The following RFTN1 variants were observed in gnomAD, a reference collection of about 807,000 sequenced individuals.
RFTN1 encodes raftlin, lipid raft linker 1.
Under a neutral mutation model 46.5 loss-of-function variants are expected in RFTN1, and 26 were observed. The ratio of observed to expected loss-of-function variants is 0.56; its 90% confidence interval spans 0.41 to 0.78. The LOEUF (loss-of-function observed/expected upper bound fraction) is 0.78. Ranked by LOEUF, RFTN1 falls within the 30% of genes least tolerant of loss-of-function variation. RFTN1 has a pLI of 0.00. For missense variants in RFTN1, 693 were observed against 718.7 expected, an observed-to-expected ratio of 0.96 and a Z score of 0.41; for synonymous variants, 261 against 284.2, an observed-to-expected ratio of 0.92 and a Z score of 0.82.
rs534401512 is a variant in RFTN1, at chr3:16,443,442, T to C, written c.146-9405A>G. On this transcript the variant is annotated intron_variant, in intron 2 of 9. Coordinates refer to ENST00000334133, the MANE Select transcript of RFTN1 (RefSeq NM_015150.2). This position sits in a 1 kb window ranked among gnomAD's most constrained non-coding sequence, Gnocchi z 5.5. ...GTTGGGTTATTTGTATTTTTGCTAT[T>C]GAGCTGAATGAGTTCTGAAATACTA... Among the ~76,000 whole-genome samples the C allele has an allele frequency of 2.5e-4, 38 of 152,324 alleles. No individual in the cohort carries two copies. The highest frequency in any genetic ancestry group is 9.1e-4 in the African/African-American group (38 of 41,582).
Position 16,351,123 on chromosome 3 carries a change from A to G in RFTN1, c.1146+6809T>C, listed in dbSNP as rs1356720804. Reference sequence around the variant, plus strand: ...GGCCAGAGTAGGTTTCAGTTACAGAAAAGTGTGTCATCGAGCCTTTCATGT... The same window carrying G: ...GGCCAGAGTAGGTTTCAGTTACAGAGAAGTGTGTCATCGAGCCTTTCATGT... On this transcript the variant is annotated intron_variant, in intron 7 of 9. Transcript: ENST00000334133. This position sits in a 1 kb window ranked among gnomAD's most constrained non-coding sequence, Gnocchi z 5.4. 1.3e-5 allele frequency among the ~76,000 whole-genome samples: 2 copies of G among 152,238 alleles called. No homozygotes were observed. The highest frequency in any genetic ancestry group is 2.4e-5 in the African/African-American group (1 of 41,466).
chr3:16,316,775 A>G lies in RFTN1; in HGVS notation c.*53T>C. 1 of 1,604,798 alleles carries G rather than the reference A, an allele frequency of 6.2e-7. No individual in the cohort carries two copies. On this transcript the variant is annotated 3_prime_UTR_variant, in exon 10 of 10. Transcript: ENST00000334133. The surrounding 1 kb of genome is among the most constrained non-coding windows in gnomAD (Gnocchi z 4.5). ...ACCAGCCCCCAAACCAGCTGTTGGT[A>G]AGATGCCTTGGGTTTGGCAACTCAC...
chr3:16,360,174 C>T (rs943493949), intron 6 of RFTN1, among the ~76,000 whole-genome samples: 1 of 146,088 alleles, frequency 6.8e-6, no homozygotes, highest in Non-Finnish European at 1.5e-5. Flanking sequence ...ATTGCAGTTT[C>T]TTTTTTTTTT....
At chr3:16,491,773 A>G (rs1032251867) in intron 2 of RFTN1, among the ~76,000 whole-genome samples, 3 of 150,064 alleles carry the variant, frequency 2.0e-5, no homozygotes, top group Non-Finnish European at 4.5e-5. Flanking sequence ...AACAAACAAA[A>G]CAAACAAAAA....
At chr3:16,324,300 G>A (rs183520157) in intron 8 of RFTN1, among the ~76,000 whole-genome samples, 2 of 152,224 alleles carry the variant, frequency 1.3e-5, no homozygotes, top group Non-Finnish European at 2.9e-5. Context: ...ACATTTAAAA[G>A]CTACTCTTTT....
At chr3:16,476,177 C>T (rs1342071448) in intron 2 of RFTN1, among the ~76,000 whole-genome samples, 1 of 152,238 alleles carries the variant, frequency 6.6e-6, no homozygotes, top group Non-Finnish European at 1.5e-5. Flanking sequence ...CTATTGGGTT[C>T]TGCCAGTAGG....
intron 7 of RFTN1, chr3:16,347,592 T>C (rs1297945493): frequency 6.6e-6 from 1 of 152,252 alleles, no homozygotes; most frequent in African/African-American, 2.4e-5. Context: ...TCTGCCTCTC[T>C]GTTACACAGA....
intron 4 of RFTN1, among the ~76,000 whole-genome samples, chr3:16,401,966 G>A (rs564422034): frequency 6.6e-6 from 1 of 152,304 alleles, no homozygotes; most frequent in South Asian, 2.1e-4. Flanking sequence ...TGCTCTCAGG[G>A]TTGACACCTC....
chr3:16,399,664 T>C (rs531492957), intron 4 of RFTN1, among the ~76,000 whole-genome samples: 18 of 152,208 alleles, frequency 1.2e-4, no homozygotes, highest in Non-Finnish European at 2.6e-4. Flanking sequence ...CTGGGCGATT[T>C]CATCCATGAC....
rs957330710 is a variant in RFTN1, at chr3:16,440,614, G to A, written c.146-6577C>T. 6.6e-6 allele frequency among the ~76,000 whole-genome samples: 1 copy of A among 151,692 alleles called. No homozygotes were observed. Among genetic ancestry groups the A allele is most frequent in the Non-Finnish European group, 1.5e-5 (1 of 67,986 alleles). On this transcript the variant is annotated intron_variant, in intron 2 of 9. Coordinates refer to ENST00000334133, the MANE Select transcript of RFTN1 (RefSeq NM_015150.2). The surrounding 1 kb of genome is among the most constrained non-coding windows in gnomAD (Gnocchi z 4.6). ...GGCCAGGAAAATAAAGTAAACAAGA[G>A]ACATGAGCCAGGGGGACAGCAATGA... is the stretch of plus-strand genomic sequence containing the variant.
rs1420415678 is a variant in RFTN1, at chr3:16,338,696, A to G, written c.1147-11820T>C. On this transcript the variant is annotated intron_variant, in intron 7 of 9. Transcript: ENST00000334133. The surrounding 1 kb of genome is among the most constrained non-coding windows in gnomAD (Gnocchi z 5.3). ...CTTGCTACTTTATTACTCTCTTTAG[A>G]CTATCAGAGATGAATGAGGGATCCT... Among the ~76,000 whole-genome samples, 1 of 152,228 alleles carries G rather than the reference A, an allele frequency of 6.6e-6. No homozygotes were observed. The highest frequency in any genetic ancestry group is 1.5e-5 in the Non-Finnish European group (1 of 68,044).
intron 1 of RFTN1, among the ~76,000 whole-genome samples, chr3:16,508,786 T>C (rs1376308520): frequency 6.6e-6 from 1 of 150,680 alleles, no homozygotes; most frequent in Non-Finnish European, 1.5e-5. Flanking sequence ...CAGTGAAAAA[T>C]AGCAGAAGCC....
intron 6 of RFTN1, among the ~76,000 whole-genome samples, chr3:16,359,934 G>A (rs1052245392): frequency 2.6e-5 from 4 of 151,784 alleles, no homozygotes; most frequent in African/African-American, 9.7e-5. Context: ...TGACAAATGT[G>A]AATATATAAC....
At chr3:16,330,592 C>G (rs933811923) in intron 7 of RFTN1, among the ~76,000 whole-genome samples, 2 of 152,216 alleles carry the variant, frequency 1.3e-5, no homozygotes, top group African/African-American at 4.8e-5. Context: ...TTTTAATTAA[C>G]TCTCCACTCT....
intron 2 of RFTN1, among the ~76,000 whole-genome samples, chr3:16,491,123 T>C (rs890807664): frequency 6.6e-6 from 1 of 151,078 alleles, no homozygotes; most frequent in African/African-American, 2.4e-5. Flanking sequence ...ATGGAGAAAA[T>C]CAAGAGGGGA....
At chr3:16,472,793 G>A (rs1382696335) in intron 2 of RFTN1, among the ~76,000 whole-genome samples, 1 of 152,218 alleles carries the variant, frequency 6.6e-6, no homozygotes, top group Non-Finnish European at 1.5e-5. Context: ...TTACACAGGA[G>A]TGACGCCTGA....
intron 7 of RFTN1, among the ~76,000 whole-genome samples, chr3:16,340,269 C>G (rs760776602): frequency 1.6e-4 from 25 of 152,238 alleles, no homozygotes; most frequent in Non-Finnish European, 3.2e-4. Flanking sequence ...CAAACCGCAG[C>G]ATGAAATAAG....
Position 16,459,614 on chromosome 3 carries a change from GTAAA to G in RFTN1, c.146-25581_146-25578del, listed in dbSNP as rs1346422735. On this transcript the variant is annotated intron_variant, in intron 2 of 9. Coordinates refer to ENST00000334133, the MANE Select transcript of RFTN1 (RefSeq NM_015150.2). This position sits in a 1 kb window ranked among gnomAD's most constrained non-coding sequence, Gnocchi z 4.2. ...GTTTCTAAAATAATAATAATAATAA[GTAAA>G]TAAATGAAAATTACAAATAAAACTC... Among the ~76,000 whole-genome samples the G allele has an allele frequency of 6.6e-6, 1 of 151,872 alleles. No individual in the cohort carries two copies. The highest frequency in any genetic ancestry group is 6.6e-5 in the Admixed American group (1 of 15,244).
chr3:16,399,440 G>A (rs2074551146), intron 4 of RFTN1, among the ~76,000 whole-genome samples: 1 of 152,156 alleles, frequency 6.6e-6, no homozygotes, highest in African/African-American at 2.4e-5. Flanking sequence ...GGCCACTCCA[G>A]CAATAGCTGT....
Sources: gnomAD v4.1 joint callset for allele counts (sites outside exome capture counted in the v4.1 genomes callset) on GRCh38, gnomAD v4.1.1 for gene constraint, Gnocchi (gnomAD v3.1) non-coding constraint, MANE v1.5 for transcripts, NCBI Gene and HGNC (gene_info 2026-07-23, HGNC 2026-07-21) for gene names.